The following HYKK variants were observed in gnomAD, a reference collection of about 807,000 sequenced individuals.
The protein encoded by HYKK is hydroxylysine kinase, also known as 5-hydroxy-L-lysine kinase.
A neutral mutation model predicts 29.7 loss-of-function variants in HYKK; 19 were observed. That is an observed-to-expected ratio of 0.64 (90% CI 0.45 to 0.94). The LOEUF (loss-of-function observed/expected upper bound fraction) is 0.94. HYKK is among the 40% of genes least tolerant of loss of function. The pLI, the probability that HYKK is intolerant of heterozygous loss-of-function variation, is 0.00. For missense variants in HYKK, 390 were observed against 443.4 expected, an observed-to-expected ratio of 0.88 and a Z score of 1.08; for synonymous variants, 152 against 158.1, an observed-to-expected ratio of 0.96 and a Z score of 0.29.
chr15:78,523,548 CCTT>C (rs2052219673), intron 3 of HYKK, among the ~76,000 whole-genome samples: 1 of 152,160 alleles, frequency 6.6e-6, no homozygotes, highest in Non-Finnish European at 1.5e-5. Flanking sequence ...AATGTCATGT[CCTT>C]CTTCCAATGC....
At chr15:78,525,004 C>T (rs2052234766) in intron 3 of HYKK, among the ~76,000 whole-genome samples, 1 of 151,964 alleles carries the variant, frequency 6.6e-6, no homozygotes, top group African/African-American at 2.4e-5. Flanking sequence ...GACACAGATC[C>T]AAAACATATC....
chr15:78,515,855 T>C (rs2052127911), intron 3 of HYKK, among the ~76,000 whole-genome samples: 1 of 152,180 alleles, frequency 6.6e-6, no homozygotes, highest in Non-Finnish European at 1.5e-5. Flanking sequence ...CCCAAAGTGC[T>C]GGGATTACAG....
chr15:78,520,754 T>C (rs551831444), intron 3 of HYKK, among the ~76,000 whole-genome samples: 87 of 152,254 alleles, frequency 5.7e-4, no homozygotes, highest in African/African-American at 1.9e-3. Context: ...AGCTGTTGGG[T>C]ACACCTCCCA....
chr15:78,509,206 G>A (rs1035838677), intron 1 of HYKK, among the ~76,000 whole-genome samples: 5 of 152,148 alleles, frequency 3.3e-5, no homozygotes, highest in African/African-American at 1.2e-4. Flanking sequence ...AAAGAAAAAA[G>A]GCGAACTTAA....
intron 1 of HYKK, among the ~76,000 whole-genome samples, chr15:78,508,997 G>A (rs1596025317): frequency 6.6e-6 from 1 of 151,688 alleles, no homozygotes; most frequent in East Asian, 1.9e-4. Context: ...GCAGTAAGCA[G>A]TGATTGTGCC....
chr15:78,526,078 C>A (rs769439364), intron 3 of HYKK, among the ~76,000 whole-genome samples: 1 of 152,250 alleles, frequency 6.6e-6, no homozygotes, highest in Non-Finnish European at 1.5e-5. Context: ...CTCTATGAAT[C>A]TGTTTCCCCA....
chr15:78,527,050 T>C (rs2052261542), intron 3 of HYKK, among the ~76,000 whole-genome samples: 1 of 150,734 alleles, frequency 6.6e-6, no homozygotes, highest in Non-Finnish European at 1.5e-5. Context: ...CCCAGGTGGG[T>C]GGATCACCTG....
At chr15:78,518,619 C>G in intron 3 of HYKK, 1 of 454,964 alleles carries the variant, frequency 2.2e-6, no homozygotes, top group South Asian at 1.6e-5. Context: ...CCCCTATTGG[C>G]CAAAAACTGA....
chr15:78,531,564 C>A (rs2052313048), intron 4 of HYKK, among the ~76,000 whole-genome samples: 1 of 152,136 alleles, frequency 6.6e-6, no homozygotes, highest in African/African-American at 2.4e-5. Flanking sequence ...TAGAGTCTCG[C>A]TCTGTTGCCC....
intron 3 of HYKK, among the ~76,000 whole-genome samples, chr15:78,522,978 C>T (rs1175353874): frequency 6.6e-6 from 1 of 152,058 alleles, no homozygotes; most frequent in Non-Finnish European, 1.5e-5. Context: ...TCCAGATGGG[C>T]CCAGAGGTCA....
At chr15:78,531,984 C>T (rs1258117158) in intron 4 of HYKK, among the ~76,000 whole-genome samples, 2 of 152,122 alleles carry the variant, frequency 1.3e-5, no homozygotes, top group African/African-American at 4.8e-5. Flanking sequence ...AATCCTAAAT[C>T]ATATAGAAAA....
intron 3 of HYKK, among the ~76,000 whole-genome samples, chr15:78,515,811 A>G (rs188649688): frequency 2.6e-5 from 4 of 152,176 alleles, no homozygotes; most frequent in African/African-American, 9.6e-5. Flanking sequence ...GATGGTCTCG[A>G]TCTCCTGACC....
At chr15:78,519,509 C>T (rs2052169691) in intron 3 of HYKK, among the ~76,000 whole-genome samples, 1 of 152,126 alleles carries the variant, frequency 6.6e-6, no homozygotes, top group Non-Finnish European at 1.5e-5. Flanking sequence ...CCTATAATCC[C>T]AGCGCTTTGA....
intron 1 of HYKK, among the ~76,000 whole-genome samples, chr15:78,509,674 T>C (rs1475300737): frequency 6.6e-6 from 1 of 152,228 alleles, no homozygotes; most frequent in East Asian, 1.9e-4. Context: ...ACTTACCTTA[T>C]ACCAGTTTAC....
chr15:78,511,729 TAA>T (rs34903924), intron 1 of HYKK, among the ~76,000 whole-genome samples: 81 of 147,228 alleles, frequency 5.5e-4, no homozygotes, highest in South Asian at 1.1e-3. Flanking sequence ...CTGAAAAAAA[TAA>T]AAAAAAAAAA....
At chr15:78,525,071 G>A (rs2052235387) in intron 3 of HYKK, among the ~76,000 whole-genome samples, 1 of 152,090 alleles carries the variant, frequency 6.6e-6, no homozygotes, top group East Asian at 1.9e-4. Flanking sequence ...ACTGATAAGA[G>A]AATTATCAGG....
chr15:78,523,422 C>T (rs539382730), intron 3 of HYKK, among the ~76,000 whole-genome samples: 1 of 152,262 alleles, frequency 6.6e-6, no homozygotes, highest in African/African-American at 2.4e-5. Flanking sequence ...AGAAACCACC[C>T]CCATGATCCA....
chr15:78,515,090 T>A lies in HYKK; in HGVS notation c.460T>A (p.Leu154Met), dbSNP rs2052117457. 6.3e-7 allele frequency: 1 copy of A among 1,593,720 alleles called. No homozygotes were observed. Among genetic ancestry groups the A allele is most frequent in the African/African-American group, 1.4e-5 (1 of 73,780 alleles). Residue 154 changes from leucine (L) to methionine (M), a missense_variant, in exon 3 of 5, where the codon TTG (leucine) becomes ATG (methionine). By Grantham distance (15) the Leu-to-Met change is conservative. Transcript: ENST00000388988. ...TGAAATTGGAAAACTAGCTGCCAAA[T>A]TGGATAAGACACTGCAGGTAAGATT... ...LYEIGKLAAK[L>M]DKTLQRFHHP... is the part of the protein sequence containing the mutation.
chr15:78,521,872 G>A (rs771755056), intron 3 of HYKK, among the ~76,000 whole-genome samples: 4 of 152,138 alleles, frequency 2.6e-5, no homozygotes, highest in East Asian at 3.9e-4. Context: ...CTATGGCTGC[G>A]TGGGTCAATC....
Sources: gnomAD v4.1 joint callset for allele counts (sites outside exome capture counted in the v4.1 genomes callset) on GRCh38, gnomAD v4.1.1 for gene constraint, MANE v1.5 for transcripts, NCBI Gene and HGNC (gene_info 2026-07-23, HGNC 2026-07-21) for gene names.